The following MERTK variants were observed in gnomAD, a reference collection of about 807,000 sequenced individuals.
MERTK encodes MER proto-oncogene, tyrosine kinase, also known as tyrosine-protein kinase Mer.
In MERTK, 69 loss-of-function variants were observed where a neutral mutation model predicts 99.3. The observed-to-expected ratio is 0.70, with a 90% confidence interval of 0.57 to 0.85. MERTK has a LOEUF of 0.85. Among genes scored for constraint, MERTK ranks in the 40% least tolerant of loss-of-function variants. The probability of loss-of-function intolerance (pLI) is 0.00; values close to 1 mark genes in which losing one functional copy is unlikely to be tolerated. For missense variants in MERTK, 1,125 were observed against 1,249.4 expected, an observed-to-expected ratio of 0.90 and a Z score of 1.50; for synonymous variants, 426 against 467.6, an observed-to-expected ratio of 0.91 and a Z score of 1.15.
In MERTK at chr2:111,975,367, A is replaced by C. The variant is rs1470706820; in HGVS notation, c.1039A>C (p.Lys347Gln). 2 of 1,614,060 alleles carry C rather than the reference A, an allele frequency of 1.2e-6. No homozygotes were observed. The change falls in exon 7 of 19, where the codon AAG (lysine) becomes CAG (glutamine). Residue 347 changes from lysine to glutamine, a missense_variant. By Grantham distance (53) the Lys-to-Gln change is moderately conservative (BLOSUM62 1). Transcript: ENST00000295408. ...TSALPHLYQI[K>Q]QLQALANYSI... ...TGCCTTACCACATCTGTACCAAATC[A>C]AGCAGCTGCAAGCCCTGGCTAATTA...
At chr2:111,931,555 G>A (rs761049839) in intron 2 of MERTK, among the ~76,000 whole-genome samples, 5 of 152,068 alleles carry the variant, frequency 3.3e-5, no homozygotes, top group Non-Finnish European at 7.3e-5. Context: ...GCGTGGTGGC[G>A]CACGCCTATA....
intron 8 of MERTK, among the ~76,000 whole-genome samples, chr2:111,987,011 C>A (rs898697984): frequency 6.6e-6 from 1 of 152,202 alleles, no homozygotes; most frequent in East Asian, 1.9e-4. Flanking sequence ...ACTTTGATTT[C>A]CTTCAATTTC....
Position 111,903,841 on chromosome 2 carries a change from T to C in MERTK, c.61+5045T>C, listed in dbSNP as rs185783041. ...CGTAATGAGCTAATGGCAGGTGATA[T>C]GTGCTTAAAATATATTTGCCATTAT... On this transcript the variant is annotated intron_variant, in intron 1 of 18. Coordinates refer to ENST00000295408, the MANE Select transcript of MERTK (RefSeq NM_006343.3). Among the ~76,000 whole-genome samples the C allele has an allele frequency of 1.9e-3, 290 of 152,324 alleles. 3 individuals are homozygous for C. The highest frequency in any genetic ancestry group is 0.017 in the Middle Eastern group (5 of 294).
intron 7 of MERTK, among the ~76,000 whole-genome samples, chr2:111,978,276 A>C (rs1178152894): frequency 6.6e-6 from 1 of 151,828 alleles, no homozygotes; most frequent in Non-Finnish European, 1.5e-5. Flanking sequence ...CAGCCTCCTG[A>C]GTAGCTGGGA....
chr2:111,899,345 G>C lies in MERTK; in HGVS notation c.61+549G>C, dbSNP rs568799030. Among the ~76,000 whole-genome samples the C allele has an allele frequency of 2.6e-4, 40 of 152,300 alleles. 1 individual carries two copies. The highest frequency in any genetic ancestry group is 9.4e-4 in the African/African-American group (39 of 41,570). On this transcript the variant is annotated intron_variant, in intron 1 of 18. Coordinates refer to ENST00000295408, the MANE Select transcript of MERTK (RefSeq NM_006343.3). ...AGCGACGGGCCAGGGGGGGACGGCA[G>C]TCCTGGCTGCTCCCAATGGGCCCTT...
chr2:112,003,800 G>A lies in MERTK; in HGVS notation c.1787-104G>A, dbSNP rs1676921537. ...GCTCTGCCTGGCTGCCCGTGGGTGA[G>A]TTGCTCTCATACCACATGAAACCAG... On this transcript the variant is annotated intron_variant, in intron 12 of 18. Transcript: ENST00000295408. 2.8e-6 allele frequency: 3 copies of A among 1,064,798 alleles called. No homozygotes were observed. The South Asian group carries it at 3.8e-5, about 14-fold the overall frequency. 66.0% of individuals were successfully genotyped at this position (1,064,798 alleles called of 1,614,324 possible).
intron 15 of MERTK, among the ~76,000 whole-genome samples, chr2:112,016,684 G>A (rs772799539): frequency 1.2e-4 from 18 of 152,212 alleles, no homozygotes; most frequent in Non-Finnish European, 1.9e-4. Context: ...CATGGAGATC[G>A]ATAGTACAAA....
At chr2:111,910,952 T>A (rs1417121798) in intron 1 of MERTK, among the ~76,000 whole-genome samples, 2 of 152,180 alleles carry the variant, frequency 1.3e-5, no homozygotes, top group Non-Finnish European at 2.9e-5. Flanking sequence ...TAGTTAACAG[T>A]AATGTGTAAT....
rs1327772385 is a variant in MERTK at position 111,947,483 on chromosome 2, G to C, written c.673G>C (p.Glu225Gln). Residue 225 changes from glutamate to glutamine, a missense_variant, in exon 4 of 19, where the codon GAG (glutamate) becomes CAG (glutamine). Transcript: ENST00000295408. ...CACCTGTCAGGCTGTGGGCCCGCCT[G>C]AGCCCGTCAACATTTTCTGGGTTCA... is the stretch of plus-strand genomic sequence containing the variant. ...NLTCQAVGPP[E>Q]PVNIFWVQNS... is the part of the protein sequence containing the mutation. 1 of 1,614,166 alleles carries C rather than the reference G, an allele frequency of 6.2e-7. No individual in the cohort carries two copies. The highest frequency in any genetic ancestry group is 2.2e-5 in the East Asian group (1 of 44,882).
rs1198259269 is a variant in MERTK at position 112,028,683 on chromosome 2, ATC to A, written c.2821_2822del (p.Leu941AspfsTer11). ...AATGGGGGCAGTGAGGAATGGGAAG[ATC>A]TGACTTCTGCCCCCTCTGCTGCAGT... On this transcript the variant is annotated frameshift_variant, in exon 19 of 19. Transcript: ENST00000295408. LOFTEE classifies it low-confidence loss of function (END_TRUNC). The A allele has an allele frequency of 6.2e-7, 1 of 1,614,098 alleles. No homozygotes were observed. Among genetic ancestry groups the A allele is most frequent in the African/African-American group, 1.3e-5 (1 of 74,934 alleles).
At chr2:111,985,807 C>A (rs564960753) in intron 8 of MERTK, among the ~76,000 whole-genome samples, 9 of 152,116 alleles carry the variant, frequency 5.9e-5, no homozygotes, top group African/African-American at 1.7e-4. Flanking sequence ...CCTCCCATGG[C>A]ACTACAAGTC....
At chr2:112,022,659 C>A in intron 18 of MERTK, 2 of 701,058 alleles carry the variant, frequency 2.9e-6, no homozygotes, top group Non-Finnish European at 5.3e-6. Context: ...CAAGACAAGG[C>A]AATGGCACCT....
chr2:111,963,412 G>A (rs1252688167), intron 4 of MERTK, among the ~76,000 whole-genome samples: 6 of 152,148 alleles, frequency 3.9e-5, no homozygotes, highest in African/African-American at 9.7e-5. Context: ...GCTGGGGGAC[G>A]GTCAGGTCTT....
At chr2:111,984,958 G>A (rs1046947512) in intron 8 of MERTK, among the ~76,000 whole-genome samples, 9 of 152,170 alleles carry the variant, frequency 5.9e-5, no homozygotes, top group African/African-American at 2.2e-4. Flanking sequence ...TATCGTAGGG[G>A]AGCATCAATA....
At chr2:111,987,607 T>A (rs1190489881) in intron 8 of MERTK, among the ~76,000 whole-genome samples, 1 of 152,174 alleles carries the variant, frequency 6.6e-6, no homozygotes, top group Non-Finnish European at 1.5e-5. Context: ...AATGGGACAG[T>A]CTTTTATTAA....
chr2:111,960,207 G>A (rs548376184), intron 4 of MERTK, among the ~76,000 whole-genome samples: 7 of 152,124 alleles, frequency 4.6e-5, no homozygotes, highest in Admixed American at 2.0e-4. Flanking sequence ...TTGGCTGGAC[G>A]TGGTGGCTCA....
At position 111,968,204 on chromosome 2, in the gene MERTK, G is replaced by A. The variant is rs779211043; in HGVS notation, c.912G>A (p.Trp304Ter). The part of the protein sequence containing the change: ...NSTAHSILIS[W>*]VPGFDGYSPF... Reference sequence around the variant, plus strand: ...CTGCACACAGCATTCTGATCTCCTGGGTTCCTGGTTTTGATGGATACTCCC... The same window carrying A: ...CTGCACACAGCATTCTGATCTCCTGAGTTCCTGGTTTTGATGGATACTCCC... The change falls in exon 6 of 19, where the codon TGG becomes TGA. Residue 304 changes from tryptophan (W) to a stop codon, truncating the protein, a stop_gained. Coordinates refer to ENST00000295408, the MANE Select transcript of MERTK (RefSeq NM_006343.3). LOFTEE classifies it high-confidence loss of function. 2 of 1,613,950 alleles carry A rather than the reference G, an allele frequency of 1.2e-6. No homozygotes were observed. Among genetic ancestry groups the A allele is most frequent in the Admixed American group, 1.7e-5 (1 of 59,990 alleles).
At chr2:111,968,497 A>G (rs1685403562) in intron 6 of MERTK, among the ~76,000 whole-genome samples, 1 of 151,758 alleles carries the variant, frequency 6.6e-6, no homozygotes, top group Non-Finnish European at 1.5e-5. Flanking sequence ...CCAAGGGAGA[A>G]CATCATGAGA....
At chr2:111,932,358 T>A (rs1160499032) in intron 2 of MERTK, among the ~76,000 whole-genome samples, 1 of 152,162 alleles carries the variant, frequency 6.6e-6, no homozygotes, top group African/African-American at 2.4e-5. Context: ...AGTTTTTGTA[T>A]TTTTAGTAGA....
Sources: gnomAD v4.1 joint callset for allele counts (sites outside exome capture counted in the v4.1 genomes callset) on GRCh38, gnomAD v4.1.1 for gene constraint, MANE v1.5 for transcripts, NCBI Gene and HGNC (gene_info 2026-07-23, HGNC 2026-07-21) for gene names.